Variants in DLGAP1 observed in about 807,000 individuals in gnomAD.
DLGAP1 encodes DLG associated protein 1, also known as disks large-associated protein 1.
Under a neutral mutation model 90.8 loss-of-function variants are expected in DLGAP1, and 11 were observed. That is an observed-to-expected ratio of 0.12 (90% CI 0.08 to 0.20). DLGAP1 has a LOEUF of 0.20. DLGAP1 is among the 10% of genes least tolerant of loss of function. DLGAP1 has a pLI of 1.00. For missense variants in DLGAP1, 1,050 were observed against 1,333.8 expected (o/e 0.79, Z 3.31); for synonymous variants, 558 against 540.7 (o/e 1.03, Z -0.44).
intron 1 of DLGAP1, among the ~76,000 whole-genome samples, chr18:4,328,737 A>C (rs2080881260): frequency 6.6e-6 from 1 of 151,886 alleles, no homozygotes. Context: ...TAGCCACCCC[A>C]GTGAGTGTGA....
chr18:3,725,156 T>C (rs1268473109), intron 7 of DLGAP1, among the ~76,000 whole-genome samples: 1 of 152,196 alleles, frequency 6.6e-6, no homozygotes, highest in Non-Finnish European at 1.5e-5. Context: ...TTTCTGTACA[T>C]TTACGAGTGT....
At position 4,211,989 on chromosome 18, in the gene DLGAP1, T is replaced by C. The variant is rs532415917; in HGVS notation, c.-266-60702A>G. Among the ~76,000 whole-genome samples the C allele has an allele frequency of 5.1e-4, 78 of 152,282 alleles. 1 individual carries two copies. Among genetic ancestry groups the C allele is most frequent in the East Asian group, 1.9e-3 (10 of 5,170 alleles). ...AAGAAACTTTTTAAAAATACAAACA[T>C]GTCTGTGTTTTGTATGCGTTTTTGA... On this transcript the variant is annotated intron_variant, in intron 1 of 12. Coordinates refer to ENST00000315677, the MANE Select transcript of DLGAP1 (RefSeq NM_004746.4).
At chr18:3,688,610 AAAAG>A (rs1175264554) in intron 7 of DLGAP1, among the ~76,000 whole-genome samples, 5 of 138,134 alleles carry the variant, frequency 3.6e-5, no homozygotes, top group Admixed American at 2.4e-4. Flanking sequence ...AGGTATTAAA[AAAAG>A]ACACACACAC....
rs371804578 is a variant in DLGAP1, at chr18:4,132,024, CT to C, written c.-159+19155del. 3.9e-3 allele frequency among the ~76,000 whole-genome samples: 581 copies of C among 149,744 alleles called. 3 individuals are homozygous for C. Among genetic ancestry groups the C allele is most frequent in the African/African-American group, 0.013 (530 of 40,942 alleles). On this transcript the variant is annotated intron_variant, in intron 2 of 12. Transcript: ENST00000315677. Reference sequence around the variant, plus strand: ...AAGCGGTTGAAATGGTGTTTTATGACTTTTTTTTTTCCTGGCTTAACATTTT... The same window carrying C: ...AAGCGGTTGAAATGGTGTTTTATGACTTTTTTTTTCCTGGCTTAACATTTT...
chr18:3,890,507 T>A (rs989540538), intron 3 of DLGAP1, among the ~76,000 whole-genome samples: 1 of 152,234 alleles, frequency 6.6e-6, no homozygotes, highest in African/African-American at 2.4e-5. Flanking sequence ...CCATCATTTT[T>A]AAAGTGCCTT....
At chr18:4,002,129 G>A (rs1249101060) in intron 3 of DLGAP1, among the ~76,000 whole-genome samples, 1 of 152,084 alleles carries the variant, frequency 6.6e-6, no homozygotes, top group Non-Finnish European at 1.5e-5. Flanking sequence ...CTGTTTCCAT[G>A]GGGTGATTTG....
intron 4 of DLGAP1, among the ~76,000 whole-genome samples, chr18:3,833,091 G>A (rs1198586732): frequency 6.6e-6 from 1 of 151,866 alleles, no homozygotes; most frequent in Non-Finnish European, 1.5e-5. Flanking sequence ...CATTGGTGGT[G>A]TAATTTTCTT....
intron 3 of DLGAP1, among the ~76,000 whole-genome samples, chr18:3,889,242 A>C (rs1459837704): frequency 6.6e-6 from 1 of 152,192 alleles, no homozygotes; most frequent in Admixed American, 6.5e-5. Context: ...CACAAAAACA[A>C]TGACAATCAA....
At chr18:4,185,145 G>C (rs1162043786) in intron 1 of DLGAP1, among the ~76,000 whole-genome samples, 1 of 151,916 alleles carries the variant, frequency 6.6e-6, no homozygotes. Context: ...AAAGGTGTGA[G>C]TGAATGCTCC....
intron 2 of DLGAP1, among the ~76,000 whole-genome samples, chr18:4,078,271 C>T (rs1157338462): frequency 3.3e-5 from 5 of 152,106 alleles, no homozygotes; most frequent in Non-Finnish European, 7.4e-5. Flanking sequence ...CAATCAATAA[C>T]TGAGACAGGC....
At position 4,071,322 on chromosome 18, in the gene DLGAP1, G is replaced by GGAAT. The variant is rs199960923; in HGVS notation, c.-158-66125_-158-66122dup. Among the ~76,000 whole-genome samples the GGAAT allele has an allele frequency of 1.7e-3, 263 of 151,952 alleles. 2 individuals carry two copies. In the East Asian group the frequency reaches 0.036, roughly 21 times the overall value. ...TATTGAGAAATCTGTGGTCTGGATT[G>GGAAT]GAATCTTTCTTTGGGAAAATTAAAT... is the stretch of plus-strand genomic sequence containing the variant. On this transcript the variant is annotated intron_variant, in intron 2 of 12. Transcript: ENST00000315677.
intron 7 of DLGAP1, among the ~76,000 whole-genome samples, chr18:3,658,942 A>G (rs1195356251): frequency 6.6e-6 from 1 of 152,222 alleles, no homozygotes; most frequent in Non-Finnish European, 1.5e-5. Flanking sequence ...CCCAATCATC[A>G]TTTACTGAGT....
intron 1 of DLGAP1, among the ~76,000 whole-genome samples, chr18:4,330,438 T>C (rs2080923606): frequency 6.6e-6 from 1 of 151,850 alleles, no homozygotes. Context: ...TGCCATATAG[T>C]CTCTTTAGAC....
intron 5 of DLGAP1, among the ~76,000 whole-genome samples, chr18:3,797,514 T>C (rs752566453): frequency 2.6e-5 from 4 of 152,232 alleles, no homozygotes; most frequent in South Asian, 2.1e-4. Context: ...CAGTCTATGG[T>C]ATTTTGTTAT....
At chr18:3,508,931 T>G (rs2050384462) in intron 10 of DLGAP1, among the ~76,000 whole-genome samples, 1 of 151,614 alleles carries the variant, frequency 6.6e-6, no homozygotes, top group African/African-American at 2.4e-5. Context: ...TTTCCAGCAC[T>G]GATGTTACCA....
chr18:4,333,597 C>T (rs915604685), intron 1 of DLGAP1, among the ~76,000 whole-genome samples: 22 of 149,192 alleles, frequency 1.5e-4, no homozygotes, highest in African/African-American at 5.0e-4. Context: ...GTATGAAAGG[C>T]GCTCAAGACA....
intron 1 of DLGAP1, among the ~76,000 whole-genome samples, chr18:4,157,593 G>T (rs192866342): frequency 5.3e-5 from 8 of 152,294 alleles, no homozygotes; most frequent in Non-Finnish European, 1.2e-4. Flanking sequence ...CCTGTGCTTT[G>T]TTCAGTGATT....
chr18:4,203,628 C>T (rs2077655640), intron 1 of DLGAP1, among the ~76,000 whole-genome samples: 1 of 152,058 alleles, frequency 6.6e-6, no homozygotes, highest in Non-Finnish European at 1.5e-5. Context: ...CTCAGTCAGG[C>T]CCAGAAAACA....
At chr18:3,527,310 TTTC>T (rs2051690942) in intron 10 of DLGAP1, among the ~76,000 whole-genome samples, 2 of 152,100 alleles carry the variant, frequency 1.3e-5, no homozygotes, top group South Asian at 4.1e-4. Context: ...AGATAGACTC[TTTC>T]TTCTTCAACT....
Sources: gnomAD v4.1 joint callset for allele counts (sites outside exome capture counted in the v4.1 genomes callset) on GRCh38, gnomAD v4.1.1 for gene constraint, MANE v1.5 for transcripts, NCBI Gene and HGNC (gene_info 2026-07-23, HGNC 2026-07-21) for gene names.